The following RGL1 variants were observed in gnomAD, a reference collection of about 807,000 sequenced individuals.
RGL1 encodes the protein ral guanine nucleotide dissociation stimulator like 1.
RGL1 carries 24 observed loss-of-function variants against 95.2 expected under a neutral mutation model. The observed-to-expected ratio is 0.25, with a 90% CI of 0.18 to 0.35. The LOEUF (loss-of-function observed/expected upper bound fraction) is 0.35. RGL1 is among the 10% of genes least tolerant of loss of function. The pLI is 1.00. For synonymous variants in RGL1, 329 were observed against 344.9 expected (o/e 0.95, Z 0.51); for missense variants, 715 against 936.3 (o/e 0.76, Z 3.08).
chr1:183,891,373 G>A (rs2102670278), intron 8 of RGL1, among the ~76,000 whole-genome samples: 1 of 152,258 alleles, frequency 6.6e-6, no homozygotes, highest in African/African-American at 2.4e-5. Context: ...CTTTGCATAT[G>A]TGGTTTCACT....
chr1:183,846,426 T>C (rs1162363404), intron 2 of RGL1, among the ~76,000 whole-genome samples: 1 of 151,902 alleles, frequency 6.6e-6, no homozygotes, highest in Non-Finnish European at 1.5e-5. Context: ...AGGGATAGCC[T>C]TAGGAGAAAT....
intron 1 of RGL1, among the ~76,000 whole-genome samples, chr1:183,662,723 T>C (rs1352736764): frequency 6.6e-6 from 1 of 152,120 alleles, no homozygotes; most frequent in Non-Finnish European, 1.5e-5. Context: ...TTAAAGTTCA[T>C]ATGGAACCAA....
At chr1:183,849,485 T>A (rs936716821) in intron 3 of RGL1, among the ~76,000 whole-genome samples, 6 of 116,440 alleles carry the variant, frequency 5.2e-5, no homozygotes, top group African/African-American at 8.6e-5. Context: ...AGTTTTTAGT[T>A]TTTTTTTTTT....
intron 2 of RGL1, among the ~76,000 whole-genome samples, chr1:183,771,988 A>G (rs1427078569): frequency 6.6e-6 from 1 of 152,210 alleles, no homozygotes; most frequent in African/African-American, 2.4e-5. Flanking sequence ...CAAGCAGGCT[A>G]TTGACCAGCA....
intron 4 of RGL1, among the ~76,000 whole-genome samples, chr1:183,870,172 G>A (rs1666082831): frequency 1.3e-5 from 2 of 151,856 alleles, no homozygotes; most frequent in African/African-American, 4.8e-5. Context: ...TCAGCCCCAA[G>A]TGAGGACGGG....
chr1:183,862,595 C>T (rs771136564), intron 3 of RGL1, among the ~76,000 whole-genome samples: 4 of 152,164 alleles, frequency 2.6e-5, no homozygotes, highest in Non-Finnish European at 5.9e-5. Context: ...GGAATAATCA[C>T]AGCTATCTTA....
Position 183,927,807 on chromosome 1 carries a change from CA to C in RGL1, c.*1516del, listed in dbSNP as rs2102774629. On this transcript the variant is annotated 3_prime_UTR_variant, in exon 18 of 18. Transcript: ENST00000360851. ...CCGGAATATGAAGTGCAGATTGTAACATGGAGCTATTTTTTTTTCTTAATCC... is the reference window on the plus strand; with the variant it reads ...CCGGAATATGAAGTGCAGATTGTAACTGGAGCTATTTTTTTTTCTTAATCC... 1 of 152,696 alleles carries C rather than the reference CA, an allele frequency of 6.5e-6. No individual in the cohort carries two copies. Among genetic ancestry groups the C allele is most frequent in the Non-Finnish European group, 1.5e-5 (1 of 68,004 alleles). 9.5% of individuals were successfully genotyped at this position (152,696 alleles called of 1,614,324 possible). A position where few individuals can be genotyped will look rare whatever the true frequency, so the allele number is the denominator to read the frequency against.
chr1:183,837,449 G>A (rs1488431717), intron 2 of RGL1, among the ~76,000 whole-genome samples: 1 of 152,152 alleles, frequency 6.6e-6, no homozygotes, highest in Non-Finnish European at 1.5e-5. Flanking sequence ...AAAGGAGGGA[G>A]CTATGAATTT....
intron 13 of RGL1, 119 bp from the exon 14 acceptor site, chr1:183,906,893 A>C (rs530556074): frequency 2.9e-6 from 2 of 682,128 alleles, no homozygotes; most frequent in African/African-American, 3.6e-5. Context: ...ACGTTTGTAT[A>C]TATCTTTACT....
chr1:183,883,648 G>T, intron 5 of RGL1, 138 bp from the exon 6 acceptor site: 1 of 818,276 alleles, frequency 1.2e-6, no homozygotes, highest in Non-Finnish European at 2.0e-6. Context: ...CAGATGCATT[G>T]TGCTTGTGGT....
chr1:183,653,184 A>G (rs889226363), intron 1 of RGL1: 2 of 152,142 alleles, frequency 1.3e-5, no homozygotes, highest in Non-Finnish European at 1.5e-5. Context: ...TCAGAAGGCA[A>G]TTGTGCTGTA....
chr1:183,808,407 T>C (rs1011001032), intron 2 of RGL1, among the ~76,000 whole-genome samples: 1 of 152,206 alleles, frequency 6.6e-6, no homozygotes, highest in Non-Finnish European at 1.5e-5. Context: ...TTCAACAAAG[T>C]GTGATTTACT....
intron 2 of RGL1, among the ~76,000 whole-genome samples, chr1:183,778,849 T>A (rs1261418483): frequency 2.6e-5 from 4 of 152,214 alleles, no homozygotes; most frequent in Admixed American, 2.6e-4. Context: ...ATTGTCTGCA[T>A]CTTTCCTGAG....
intron 1 of RGL1, among the ~76,000 whole-genome samples, chr1:183,710,411 G>C (rs1056505586): frequency 1.6e-4 from 24 of 152,136 alleles, no homozygotes; most frequent in African/African-American, 5.6e-4. Flanking sequence ...AAGGGGGAAG[G>C]TTATCATACT....
chr1:183,692,860 G>T (rs1654030769), intron 1 of RGL1, among the ~76,000 whole-genome samples: 1 of 152,118 alleles, frequency 6.6e-6, no homozygotes, highest in Admixed American at 6.5e-5. Context: ...ACATCTATAT[G>T]CATTAAAATT....
At chr1:183,816,487 A>G (rs1662099107) in intron 2 of RGL1, among the ~76,000 whole-genome samples, 1 of 152,214 alleles carries the variant, frequency 6.6e-6, no homozygotes. Flanking sequence ...TGCCTCAGCC[A>G]GGAATGAGCT....
At chr1:183,867,345 G>A (rs571584945) in intron 4 of RGL1, among the ~76,000 whole-genome samples, 5 of 84,636 alleles carry the variant, frequency 5.9e-5, no homozygotes, top group Admixed American at 5.5e-4. Context: ...GGATGGGGGA[G>A]GAGAAAAAAG....
chr1:183,660,739 A>T (rs1651556792), intron 1 of RGL1, among the ~76,000 whole-genome samples: 1 of 152,034 alleles, frequency 6.6e-6, no homozygotes, highest in African/African-American at 2.4e-5. Flanking sequence ...CTCCACCCCA[A>T]ATCAACAGAA....
chr1:183,837,876 A>T lies in RGL1; in HGVS notation c.139-9690A>T, dbSNP rs550649856. ...GAAGTGTACAACCTAGGTCCCTCGC[A>T]TGTGCAGTTCACAATAGGCTTGGCG... On this transcript the variant is annotated intron_variant, in intron 2 of 17. Coordinates refer to ENST00000360851, the MANE Select transcript of RGL1 (RefSeq NM_001297671.3). Among the ~76,000 whole-genome samples, 132 of 152,302 alleles carry T rather than the reference A, an allele frequency of 8.7e-4. No homozygotes were observed. The Middle Eastern group carries it at 0.017, about 20-fold the overall frequency.
Sources: gnomAD v4.1 joint callset for allele counts (sites outside exome capture counted in the v4.1 genomes callset) on GRCh38, gnomAD v4.1.1 for gene constraint, MANE v1.5 for transcripts, NCBI Gene and HGNC (gene_info 2026-07-23, HGNC 2026-07-21) for gene names.